The following SMAP1 variants were observed in gnomAD, a reference collection of about 807,000 sequenced individuals.
SMAP1 encodes small ArfGAP 1, also known as stromal membrane-associated protein 1.
In SMAP1, 24 loss-of-function variants were observed where a neutral mutation model predicts 58.5. The observed-to-expected ratio is 0.41, with a 90% CI of 0.30 to 0.58. The LOEUF (loss-of-function observed/expected upper bound fraction) is 0.58, where lower values mean the gene tolerates loss of function less well. Among genes scored for constraint, SMAP1 ranks in the 20% least tolerant of loss-of-function variants. SMAP1 has a pLI of 0.29. For synonymous variants in SMAP1, 216 were observed against 196.6 expected, an observed-to-expected ratio of 1.10 and a Z score of -0.82; for missense variants, 563 against 566.3, an observed-to-expected ratio of 0.99 and a Z score of 0.06.
intron 3 of SMAP1, among the ~76,000 whole-genome samples, chr6:70,766,368 TA>T (rs1766986646): frequency 6.6e-6 from 1 of 152,226 alleles, no homozygotes; most frequent in Non-Finnish European, 1.5e-5. Context: ...ACCAACAGTG[TA>T]AAAGTGTTCC....
chr6:70,708,292 G>A (rs1767919708), intron 1 of SMAP1, among the ~76,000 whole-genome samples: 2 of 152,016 alleles, frequency 1.3e-5, no homozygotes, highest in Non-Finnish European at 2.9e-5. Flanking sequence ...TCAAGTGGTG[G>A]GTTCTCCCTT....
intron 1 of SMAP1, among the ~76,000 whole-genome samples, chr6:70,670,204 A>G (rs1766206131): frequency 1.3e-5 from 2 of 152,218 alleles, no homozygotes; most frequent in African/African-American, 2.4e-5. Flanking sequence ...AATGGTATCA[A>G]GAGTACAAGG....
At chr6:70,804,082 G>T (rs981629804) in intron 6 of SMAP1, among the ~76,000 whole-genome samples, 1 of 152,160 alleles carries the variant, frequency 6.6e-6, no homozygotes, top group Non-Finnish European at 1.5e-5. Flanking sequence ...GACATTGACA[G>T]TGGGGTGTTA....
chr6:70,707,740 G>C (rs1360222384), intron 1 of SMAP1, among the ~76,000 whole-genome samples: 2 of 152,000 alleles, frequency 1.3e-5, no homozygotes, highest in Non-Finnish European at 2.9e-5. Flanking sequence ...TGAGTAGCTG[G>C]GACTACAGGC....
At chr6:70,821,256 C>T (rs1769878899) in intron 6 of SMAP1, among the ~76,000 whole-genome samples, 2 of 152,216 alleles carry the variant, frequency 1.3e-5, no homozygotes, top group Middle Eastern at 3.4e-3. Context: ...CTGATCATTG[C>T]GTCTGTGAGA....
chr6:70,734,557 C>T (rs1434210360), intron 2 of SMAP1: 1 of 152,462 alleles, frequency 6.6e-6, no homozygotes, highest in Non-Finnish European at 1.5e-5. Context: ...GGGTCCCGTG[C>T]TGGCCACAGC....
At chr6:70,840,160 TAG>T (rs944720893) in intron 7 of SMAP1, among the ~76,000 whole-genome samples, 2 of 152,298 alleles carry the variant, frequency 1.3e-5, no homozygotes, top group African/African-American at 4.8e-5. Flanking sequence ...CCAGAAAATA[TAG>T]AGAGAACTTG....
intron 1 of SMAP1, among the ~76,000 whole-genome samples, chr6:70,705,530 T>C (rs4706459): frequency 0.68 from 103,789 of 152,124 alleles, 36,712 homozygotes; most frequent in African/African-American, 0.87. Context: ...GGATTACAGG[T>C]ATGAGCCGCC....
intron 6 of SMAP1, among the ~76,000 whole-genome samples, chr6:70,825,559 A>G (rs1481941892): frequency 2.6e-5 from 4 of 152,152 alleles, no homozygotes; most frequent in Non-Finnish European, 4.4e-5. Context: ...AAATCTTGCT[A>G]ATTCACTACT....
rs537160093 is a variant in SMAP1 at position 70,705,063 on chromosome 6, G to A, written c.119-27315G>A. 5.1e-4 allele frequency among the ~76,000 whole-genome samples: 77 copies of A among 152,132 alleles called. No individual in the cohort carries two copies. In the Middle Eastern group the frequency reaches 0.01, roughly 20 times the overall value. Reference sequence around the variant, plus strand: ...ATACCCAGTAACTAGAAAGTTCTTGGCATATAGTAAGCATTAACCACATTT... The same window carrying A: ...ATACCCAGTAACTAGAAAGTTCTTGACATATAGTAAGCATTAACCACATTT... On this transcript the variant is annotated intron_variant, in intron 1 of 10. Coordinates refer to ENST00000370455, the MANE Select transcript of SMAP1 (RefSeq NM_001044305.3).
intron 4 of SMAP1, among the ~76,000 whole-genome samples, chr6:70,774,821 A>T (rs10945254): frequency 0.48 from 72,027 of 151,554 alleles, 17,463 homozygotes; most frequent in African/African-American, 0.52. Flanking sequence ...GAGACCAGCC[A>T]GGCCAACATG....
intron 2 of SMAP1, among the ~76,000 whole-genome samples, chr6:70,746,996 C>A (rs1232208249): frequency 6.6e-6 from 1 of 152,166 alleles, no homozygotes; most frequent in Admixed American, 6.5e-5. Flanking sequence ...ATGTATGTAT[C>A]AGTCATCTAG....
At chr6:70,760,302 T>G (rs111895488) in intron 3 of SMAP1, among the ~76,000 whole-genome samples, 190 of 152,196 alleles carry the variant, frequency 1.2e-3, no homozygotes, top group Admixed American at 3.5e-3. Flanking sequence ...TCAAACTAAA[T>G]GTTACTCCTT....
intron 1 of SMAP1, among the ~76,000 whole-genome samples, chr6:70,690,886 C>T (rs1253016416): frequency 1.3e-5 from 2 of 151,444 alleles, no homozygotes; most frequent in African/African-American, 4.9e-5. Context: ...TTTTTTTTCC[C>T]CTCAATTTCC....
chr6:70,824,134 T>C (rs973898721), intron 6 of SMAP1, among the ~76,000 whole-genome samples: 1 of 152,198 alleles, frequency 6.6e-6, no homozygotes, highest in Non-Finnish European at 1.5e-5. Context: ...CAGTTTGCCT[T>C]ATGACTTCAC....
intron 7 of SMAP1, among the ~76,000 whole-genome samples, chr6:70,844,196 C>T (rs1294005206): frequency 1.3e-5 from 2 of 152,104 alleles, no homozygotes; most frequent in African/African-American, 4.8e-5. Flanking sequence ...TTATATATTT[C>T]TTATTTTTTG....
chr6:70,811,025 A>G (rs1211740695), intron 6 of SMAP1, among the ~76,000 whole-genome samples: 2 of 152,220 alleles, frequency 1.3e-5, no homozygotes, highest in African/African-American at 4.8e-5. Context: ...CTTACAATCA[A>G]TTTTTAAAAC....
chr6:70,860,626 A>G lies in SMAP1; in HGVS notation c.*292A>G. 1 of 434,186 alleles carries G rather than the reference A, an allele frequency of 2.3e-6. No homozygotes were observed. The highest frequency in any genetic ancestry group is 7.5e-5 in the South Asian group (1 of 13,260). The allele number at this position is 434,186 out of a possible 1,614,324, so 26.9% of individuals were successfully genotyped here. Reference sequence around the variant, plus strand: ...CAAAATCAGTTTTCCTCTCAATAAAATTATAGCTCTAATGTTTGCATATAA... The same window carrying G: ...CAAAATCAGTTTTCCTCTCAATAAAGTTATAGCTCTAATGTTTGCATATAA... On this transcript the variant is annotated 3_prime_UTR_variant, in exon 11 of 11. Transcript: ENST00000370455.
intron 3 of SMAP1, among the ~76,000 whole-genome samples, chr6:70,768,657 C>T (rs1174472362): frequency 3.9e-5 from 6 of 152,010 alleles, no homozygotes; most frequent in Non-Finnish European, 8.8e-5. Flanking sequence ...GTTTATTAGT[C>T]TTGCTAGTGG....
Sources: allele counts gnomAD v4.1 joint callset (sites outside exome capture counted in the v4.1 genomes callset), GRCh38; gene constraint gnomAD v4.1.1; transcripts MANE v1.5; gene names NCBI Gene and HGNC (gene_info 2026-07-23, HGNC 2026-07-21).